CUL4A: variants seen among roughly 807,000 people sequenced by gnomAD.
The protein encoded by CUL4A is cullin-4A.
Under a neutral mutation model 95.5 loss-of-function variants are expected in CUL4A, and 16 were observed. The ratio of observed to expected loss-of-function variants is 0.17; its 90% CI spans 0.11 to 0.25. The LOEUF (loss-of-function observed/expected upper bound fraction) is 0.25. Ranked by LOEUF, CUL4A falls within the 10% of genes least tolerant of loss-of-function variation. The pLI is 1.00. For missense variants in CUL4A, 610 were observed against 937.0 expected (o/e 0.65, Z 4.56); for synonymous variants, 380 against 353.1 (o/e 1.08, Z -0.85).
At chr13:113,218,099 G>A (rs1326664334) in intron 2 of CUL4A, among the ~76,000 whole-genome samples, 2 of 152,128 alleles carry the variant, frequency 1.3e-5, no homozygotes, top group African/African-American at 2.4e-5. Flanking sequence ...TAACCTGTGC[G>A]TGGTGGCAGG....
upstream of CUL4A, chr13:113,208,494 G>C: frequency 1.3e-6 from 2 of 1,545,146 alleles, no homozygotes; most frequent in Non-Finnish European, 1.7e-6. Flanking sequence ...GAAGAAGGGT[G>C]GCGAGGCGGG....
In CUL4A at chr13:113,209,694, A is replaced by G; in HGVS notation, c.67A>G (p.Lys23Glu). Residue 23 changes from lysine (K) to glutamate (E), a missense_variant, in exon 1 of 20, where the codon AAG becomes GAG. Coordinates refer to ENST00000375440, the MANE Select transcript of CUL4A (RefSeq NM_001008895.4). The part of the protein sequence containing the change: ...ALVGRTNGLT[K>E]PAALAAAPAK... ...CGTGGGCCGCACCAACGGCCTCACC[A>G]AGCCCGCGGCCCTGGCCGCCGCGCC... 1 of 1,150,524 alleles carries G rather than the reference A, an allele frequency of 8.7e-7. No homozygotes were observed. Among genetic ancestry groups the G allele is most frequent in the Non-Finnish European group, 1.1e-6 (1 of 936,900 alleles). The allele number at this position is 1,150,524 out of a possible 1,614,324, so 71.3% of individuals were successfully genotyped here.
chr13:113,240,091 AC>A (rs1460767050), intron 10 of CUL4A, among the ~76,000 whole-genome samples: 24 of 152,324 alleles, frequency 1.6e-4, no homozygotes, highest in African/African-American at 5.8e-4. Flanking sequence ...CTTGGGCAGT[AC>A]CCTGAGTTTT....
In CUL4A at chr13:113,262,143, G is replaced by C. The variant is rs150045330; in HGVS notation, c.2185-1344G>C. Among the ~76,000 whole-genome samples, 341 of 152,276 alleles carry C rather than the reference G, an allele frequency of 2.2e-3. 7 individuals carry two copies. The highest frequency in any genetic ancestry group is 0.021 in the Admixed American group (319 of 15,304). On this transcript the variant is annotated intron_variant, in intron 19 of 19. Coordinates refer to ENST00000375440, the MANE Select transcript of CUL4A (RefSeq NM_001008895.4). ...GAAGGTGAAGTTTGTTTGGAAAATA[G>C]AGGGTCTCCCTTGTATAGGGAGAGC...
rs74647023 is a variant in CUL4A at position 113,225,287 on chromosome 13, C to T, written c.369-2689C>T. The stretch of plus-strand genomic sequence containing the variant: ...TCACATCCTGGAATTACTTGCACAC[C>T]ATTGTGGCTATGTGTTATATCCCAG... On this transcript the variant is annotated intron_variant, in intron 3 of 19. Transcript: ENST00000375440. Among the ~76,000 whole-genome samples, 1,105 of 152,236 alleles carry T rather than the reference C, an allele frequency of 7.3e-3. 18 individuals carry two copies. Among genetic ancestry groups the T allele is most frequent in the African/African-American group, 0.025 (1,034 of 41,526 alleles).
intron 15 of CUL4A, among the ~76,000 whole-genome samples, chr13:113,249,683 T>C (rs1404182757): frequency 1.3e-5 from 2 of 152,250 alleles, no homozygotes; most frequent in African/African-American, 2.4e-5. Flanking sequence ...ATTGCCGGAC[T>C]GTTTCCCACA....
At chr13:113,260,211 A>AAAAAAAAAAAAAAAAAC (rs1197388632) in intron 18 of CUL4A, among the ~76,000 whole-genome samples, 1 of 119,520 alleles carries the variant, frequency 8.4e-6, no homozygotes, top group South Asian at 2.6e-4. Flanking sequence ...CTCAAAAAAA[A>AAAAAAAAAAAAAAAAAC]AAAAAAAACC....
At chr13:113,251,442 A>C (rs1234873386) in intron 15 of CUL4A, among the ~76,000 whole-genome samples, 1 of 151,898 alleles carries the variant, frequency 6.6e-6, no homozygotes, top group African/African-American at 2.4e-5. Flanking sequence ...ATCCAGAGAC[A>C]CAGGGAATGG....
rs750695312 is a variant in CUL4A at position 113,254,992 on chromosome 13, G to T, written c.1898G>T (p.Cys633Phe). Residue 633 changes from cysteine (C) to phenylalanine (F), a missense_variant, in exon 18 of 20, where the codon TGT (cysteine) becomes TTT (phenylalanine). Transcript: ENST00000375440. The stretch of plus-strand genomic sequence containing the variant: ...CGCAGAACGCTGCAGTCCCTGGCCT[G>T]TGGCAAAGCACGTGTGCTGATTAAA... ...ELRRTLQSLACGKARVLIKSP... is the reference protein window; with the variant it reads ...ELRRTLQSLAFGKARVLIKSP... 5.6e-6 allele frequency: 9 copies of T among 1,613,896 alleles called. No individual in the cohort carries two copies. Among genetic ancestry groups the T allele is most frequent in the Non-Finnish European group, 7.6e-6 (9 of 1,179,964 alleles).
intron 6 of CUL4A, 71 bp from the exon 7 acceptor site, chr13:113,233,826 T>C: frequency 4.4e-6 from 4 of 901,398 alleles, no homozygotes; most frequent in Non-Finnish European, 5.5e-6. Flanking sequence ...CGTCAGAAAC[T>C]GGGATGTGTT....
chr13:113,236,993 T>C (rs1449991522), intron 9 of CUL4A, 103 bp downstream of exon 9: 1 of 729,360 alleles, frequency 1.4e-6, no homozygotes, highest in African/African-American at 1.8e-5. Context: ...ACGTTTGTTA[T>C]TTTCATAAGA....
intron 2 of CUL4A, among the ~76,000 whole-genome samples, chr13:113,211,140 C>G (rs904904279): frequency 1.3e-5 from 2 of 152,258 alleles, no homozygotes; most frequent in Admixed American, 6.5e-5. Flanking sequence ...TCTCCCCTGA[C>G]TCCTAGCCCT....
chr13:113,240,477 T>A (rs1343461804), intron 10 of CUL4A, among the ~76,000 whole-genome samples: 1 of 152,250 alleles, frequency 6.6e-6, no homozygotes, highest in African/African-American at 2.4e-5. Flanking sequence ...GCCAGTTGCC[T>A]AGCATGAATT....
rs962419795 is a variant in CUL4A at position 113,264,124 on chromosome 13, T to C, written c.*542T>C. On this transcript the variant is annotated 3_prime_UTR_variant, in exon 20 of 20. Coordinates refer to ENST00000375440, the MANE Select transcript of CUL4A (RefSeq NM_001008895.4). ...ATGACGCACCCTAGCCACTGGCCCC[T>C]CTCTGTTTCATGTATTTCCAAAAGT... 1 of 152,206 alleles carries C rather than the reference T, an allele frequency of 6.6e-6. No homozygotes were observed. Among genetic ancestry groups the C allele is most frequent in the Admixed American group, 6.5e-5 (1 of 15,274 alleles). The allele number at this position is 152,206 out of a possible 1,614,324, so 9.4% of individuals were successfully genotyped here. A position where few individuals can be genotyped will look rare whatever the true frequency, so the allele number is the denominator to read the frequency against.
At position 113,266,835 on chromosome 13, in the gene CUL4A, T is replaced by TA. The variant is rs1238012719; in HGVS notation, c.*3254dup. On this transcript the variant is annotated 3_prime_UTR_variant, in exon 20 of 20. Coordinates refer to ENST00000375440, the MANE Select transcript of CUL4A (RefSeq NM_001008895.4). Reference sequence around the variant, plus strand: ...GTATTTACGTGTAAAAAAATACATATATATGAAACCATAATCATAAGATAC... The same window carrying TA: ...GTATTTACGTGTAAAAAAATACATATAATATGAAACCATAATCATAAGATAC... The TA allele has an allele frequency of 6.6e-6, 1 of 152,210 alleles. No homozygotes were observed. Among genetic ancestry groups the TA allele is most frequent in the Non-Finnish European group, 1.5e-5 (1 of 68,042 alleles). 9.4% of individuals were successfully genotyped at this position (152,210 alleles called of 1,614,324 possible). A position where few individuals can be genotyped will look rare whatever the true frequency, so the allele number is the denominator to read the frequency against.
chr13:113,245,555 G>A (rs560085786), intron 14 of CUL4A, among the ~76,000 whole-genome samples: 1 of 152,240 alleles, frequency 6.6e-6, no homozygotes, highest in Non-Finnish European at 1.5e-5. Flanking sequence ...GTCGTGGATG[G>A]GTGGATAGAT....
chr13:113,209,781 T>G lies in CUL4A; in HGVS notation c.148+6T>G. On this transcript the variant is annotated splice_donor_region_variant and intron_variant, in intron 1 of 19. Transcript: ENST00000375440. ...GGTCATCAAGAACTTCCGAGGTGGG[T>G]GCGGCGGCCGGGTCGAGGGCCAGGC... is the stretch of plus-strand genomic sequence containing the variant. The G allele has an allele frequency of 8.5e-7, 1 of 1,174,908 alleles. No homozygotes were observed. Among genetic ancestry groups the G allele is most frequent in the Non-Finnish European group, 1.1e-6 (1 of 951,872 alleles). 72.8% of individuals were successfully genotyped at this position (1,174,908 alleles called of 1,614,324 possible). A position where few individuals can be genotyped will look rare whatever the true frequency, so the allele number is the denominator to read the frequency against.
chr13:113,237,575 G>GA (rs2041587546), intron 9 of CUL4A, among the ~76,000 whole-genome samples: 1 of 152,096 alleles, frequency 6.6e-6, no homozygotes, highest in Non-Finnish European at 1.5e-5. Flanking sequence ...TGAATTCTAT[G>GA]AAAATTACAA....
chr13:113,211,210 A>G (rs1057167319), intron 2 of CUL4A, among the ~76,000 whole-genome samples: 8 of 152,204 alleles, frequency 5.3e-5, no homozygotes, highest in African/African-American at 1.9e-4. Context: ...CCTTATCTAA[A>G]TGCAGTCATG....
Sources: allele counts gnomAD v4.1 joint callset (sites outside exome capture counted in the v4.1 genomes callset), GRCh38; gene constraint gnomAD v4.1.1; transcripts MANE v1.5; gene names NCBI Gene and HGNC (gene_info 2026-07-23, HGNC 2026-07-21).